The following HDLBP variants were observed in gnomAD, a reference collection of about 807,000 sequenced individuals.
The protein encoded by HDLBP is high density lipoprotein binding protein, also known as vigilin.
Under a neutral mutation model 137.3 loss-of-function variants are expected in HDLBP, and 30 were observed. The ratio of observed to expected loss-of-function variants is 0.22; its 90% CI spans 0.16 to 0.30. HDLBP has a LOEUF of 0.30. Ranked by LOEUF, HDLBP falls within the 10% of genes least tolerant of loss-of-function variation. The pLI is 1.00. For missense variants in HDLBP, 1,119 were observed against 1,667.3 expected, an observed-to-expected ratio of 0.67 and a Z score of 5.73; for synonymous variants, 606 against 596.0, an observed-to-expected ratio of 1.02 and a Z score of -0.24.
chr2:241,229,784 G>GGGGGCC, intron 27 of HDLBP, 49 bp downstream of exon 27: 6 of 1,502,542 alleles, frequency 4.0e-6, no homozygotes, highest in Non-Finnish European at 4.6e-6. Context: ...AAGCCCGCCT[G>GGGGGCC]CCCGCCCACC....
intron 12 of HDLBP, chr2:241,249,214 T>A (rs2071917624): frequency 4.7e-6 from 2 of 426,554 alleles, no homozygotes. Context: ...GAACAAAGAA[T>A]CCCCTAAGCG....
At chr2:241,255,224 C>T in intron 8 of HDLBP, 66 bp from the exon 9 acceptor site, 2 of 1,509,866 alleles carry the variant, frequency 1.3e-6, no homozygotes, top group South Asian at 1.1e-5. Flanking sequence ...GAAAGCCAGG[C>T]TGCTCACCTG....
chr2:241,285,497 A>G (rs997220261), intron 1 of HDLBP, among the ~76,000 whole-genome samples: 1 of 152,174 alleles, frequency 6.6e-6, no homozygotes, highest in African/African-American at 2.4e-5. Context: ...CCACAGTAAA[A>G]TATTAATTGA....
At chr2:241,283,958 G>C (rs554744291) in intron 1 of HDLBP, among the ~76,000 whole-genome samples, 8 of 152,138 alleles carry the variant, frequency 5.3e-5, no homozygotes, top group Non-Finnish European at 1.2e-4. Context: ...AACAAAGCCT[G>C]GATGACAGCA....
intron 21 of HDLBP, among the ~76,000 whole-genome samples, chr2:241,235,833 A>T (rs1346350604): frequency 6.6e-6 from 1 of 152,172 alleles, no homozygotes. Flanking sequence ...ACCCTCCTGA[A>T]TTACAGCAGC....
intron 2 of HDLBP, 109 bp downstream of exon 2, chr2:241,268,368 T>A: frequency 1.5e-6 from 1 of 655,050 alleles, no homozygotes; most frequent in Non-Finnish European, 1.9e-6. Context: ...CTTGAAGGTG[T>A]GATATAAAGA....
chr2:241,277,674 C>A (rs373244811), intron 1 of HDLBP, among the ~76,000 whole-genome samples: 2 of 152,170 alleles, frequency 1.3e-5, no homozygotes, highest in Non-Finnish European at 2.9e-5. Flanking sequence ...ATAAAACTTA[C>A]AACAAGGCCG....
At position 241,234,700 on chromosome 2, in the gene HDLBP, T is replaced by TG. The variant is rs898697324; in HGVS notation, c.3144+420dup. Among the ~76,000 whole-genome samples, 25 of 152,250 alleles carry TG rather than the reference T, an allele frequency of 1.6e-4. No individual in the cohort carries two copies. In the South Asian group the frequency reaches 4.4e-3, roughly 27 times the overall value. On this transcript the variant is annotated intron_variant, in intron 23 of 27. Coordinates refer to ENST00000310931, the MANE Select transcript of HDLBP (RefSeq NM_005336.6). Reference sequence around the variant, plus strand: ...TTCAAACGTCAGCCTTGCCAGAGGTTGGGGGGGTTTCATCCCTGCTTACCA... The same window carrying TG: ...TTCAAACGTCAGCCTTGCCAGAGGTTGGGGGGGGTTTCATCCCTGCTTACCA...
At chr2:241,235,309 G>A in intron 22 of HDLBP, 54 bp from the exon 23 acceptor site, 1 of 1,612,188 alleles carries the variant, frequency 6.2e-7, no homozygotes, top group Non-Finnish European at 8.5e-7. Context: ...ACAGGAAAGA[G>A]TCCATTGGCC....
chr2:241,261,712 T>C (rs1191098440), intron 5 of HDLBP, among the ~76,000 whole-genome samples: 1 of 152,230 alleles, frequency 6.6e-6, no homozygotes, highest in African/African-American at 2.4e-5. Context: ...TAACACTTAA[T>C]GGTTTAACTC....
rs1402452083 is a variant in HDLBP at position 241,240,574 on chromosome 2, A to G, written c.2170-452T>C. 1.3e-5 allele frequency among the ~76,000 whole-genome samples: 2 copies of G among 152,170 alleles called. No homozygotes were observed. The highest frequency in any genetic ancestry group is 2.9e-5 in the Non-Finnish European group (2 of 68,020). On this transcript the variant is annotated intron_variant, in intron 17 of 27. Transcript: ENST00000310931. This position sits in a 1 kb window ranked among gnomAD's most constrained non-coding sequence, Gnocchi z 5.5. ...CCACTCTTCTACCTGCTTCCAGACC[A>G]AGCACACACAAATCTGGGCCAGGCT...
In HDLBP at chr2:241,233,183, G is replaced by A. The variant is rs1421752814; in HGVS notation, c.3288+637C>T. 6.6e-6 allele frequency among the ~76,000 whole-genome samples: 1 copy of A among 152,188 alleles called. No individual in the cohort carries two copies. The highest frequency in any genetic ancestry group is 1.5e-5 in the Non-Finnish European group (1 of 68,010). Reference sequence around the variant, plus strand: ...GCCTAGGAAGCAGACACCCCAGCAGGATGCCAGAGCCAGGAAAGACCAAGC... The same window carrying A: ...GCCTAGGAAGCAGACACCCCAGCAGAATGCCAGAGCCAGGAAAGACCAAGC... On this transcript the variant is annotated intron_variant, in intron 24 of 27. Transcript: ENST00000310931. The surrounding 1 kb of genome is among the most constrained non-coding windows in gnomAD (Gnocchi z 4.3).
chr2:241,298,853 C>T (rs912731993), intron 1 of HDLBP, among the ~76,000 whole-genome samples: 4 of 152,158 alleles, frequency 2.6e-5, no homozygotes, highest in African/African-American at 7.2e-5. Context: ...AAAATAACTG[C>T]TGGTAATCAT....
intron 11 of HDLBP, 141 bp from the exon 12 acceptor site, chr2:241,250,121 A>G: frequency 1.2e-6 from 1 of 800,078 alleles, no homozygotes; most frequent in Non-Finnish European, 1.9e-6. Context: ...AGCTTCCCAA[A>G]CAAAAATCTC....
At chr2:241,311,936 A>AC (rs2075768759) in intron 1 of HDLBP, among the ~76,000 whole-genome samples, 1 of 152,238 alleles carries the variant, frequency 6.6e-6, no homozygotes, top group Non-Finnish European at 1.5e-5. Flanking sequence ...AAGAGACATC[A>AC]CATGAAACAG....
At chr2:241,271,782 T>C (rs1199414886) in intron 1 of HDLBP, 1 of 152,226 alleles carries the variant, frequency 6.6e-6, no homozygotes. Context: ...AAAACTAAAA[T>C]TACTCAAGAC....
rs776400845 is a variant in HDLBP, at chr2:241,236,676, C to T, written c.2843G>A (p.Cys948Tyr). The T allele has an allele frequency of 3.1e-6, 5 of 1,614,054 alleles. No homozygotes were observed. Among genetic ancestry groups the T allele is most frequent in the South Asian group, 1.1e-5 (1 of 91,080 alleles). ...CCGGCCAGAGATGATGATGATGTCA[C>T]ACCTCCTTGGAGAGCCGGGGTCACA... ...KDCDPGSPRR[C>Y]DIIIISGRKE... Residue 948 changes from cysteine (C) to tyrosine (Y), a missense_variant, in exon 21 of 28, where the codon TGT (cysteine) becomes TAT (tyrosine). By Grantham distance (194) the Cys-to-Tyr change is radical (BLOSUM62 -2). Coordinates refer to ENST00000310931, the MANE Select transcript of HDLBP (RefSeq NM_005336.6).
At chr2:241,305,760 GTT>G (rs1195214073) in intron 1 of HDLBP, among the ~76,000 whole-genome samples, 8 of 135,972 alleles carry the variant, frequency 5.9e-5, no homozygotes, top group African/African-American at 8.0e-5. Flanking sequence ...TTGTTTATTT[GTT>G]TTTTTTTTTT....
At chr2:241,260,532 ATTC>A (rs1483212630) in intron 5 of HDLBP, among the ~76,000 whole-genome samples, 1 of 152,216 alleles carries the variant, frequency 6.6e-6, no homozygotes, top group Admixed American at 6.5e-5. Flanking sequence ...ATGAAGAAAA[ATTC>A]TTCTTTACAA....
Sources: allele counts gnomAD v4.1 joint callset (sites outside exome capture counted in the v4.1 genomes callset), GRCh38; gene constraint gnomAD v4.1.1; non-coding constraint Gnocchi (gnomAD v3.1); transcripts MANE v1.5; gene names NCBI Gene and HGNC (gene_info 2026-07-23, HGNC 2026-07-21).